PEBP4: variants seen among roughly 807,000 people sequenced by gnomAD.
PEBP4 encodes the protein phosphatidylethanolamine binding protein 4.
A neutral mutation model predicts 23.9 loss-of-function variants in PEBP4; 22 were observed. That is an observed-to-expected ratio of 0.92 (90% CI 0.66 to 1.31). PEBP4 has a LOEUF of 1.31. Among genes scored for constraint, PEBP4 ranks in the 40% most tolerant of loss-of-function variants. PEBP4 has a pLI of 0.00. For missense variants in PEBP4, 324 were observed against 281.7 expected (o/e 1.15, Z -1.07); for synonymous variants, 112 against 99.3 (o/e 1.13, Z -0.76).
chr8:22,810,980 C>T (rs1806615338), intron 4 of PEBP4, among the ~76,000 whole-genome samples: 1 of 151,958 alleles, frequency 6.6e-6, no homozygotes, highest in Admixed American at 6.6e-5. Context: ...TCTATACACG[C>T]TTGCCATAAA....
intron 3 of PEBP4, chr8:22,879,163 T>C (rs1433987238): frequency 6.6e-6 from 1 of 152,208 alleles, no homozygotes; most frequent in Non-Finnish European, 1.5e-5. Context: ...AGACCAGACA[T>C]GGAGGTTTAA....
intron 2 of PEBP4, chr8:22,924,559 C>T: frequency 3.1e-6 from 2 of 653,770 alleles, no homozygotes; most frequent in South Asian, 1.4e-4. Context: ...CGCACTACAA[C>T]AGGTAGGGTT....
chr8:22,783,303 G>T (rs1480747002), intron 4 of PEBP4, among the ~76,000 whole-genome samples: 1 of 152,244 alleles, frequency 6.6e-6, no homozygotes, highest in Non-Finnish European at 1.5e-5. Flanking sequence ...GGAAGGATGG[G>T]CATGGCTGTC....
intron 6 of PEBP4, among the ~76,000 whole-genome samples, chr8:22,723,027 C>T (rs966529935): frequency 6.6e-6 from 1 of 151,452 alleles, no homozygotes; most frequent in Non-Finnish European, 1.5e-5. Context: ...GTGATCCGCC[C>T]ACCTCAGTCT....
chr8:22,863,057 C>A (rs1807815304), intron 3 of PEBP4, among the ~76,000 whole-genome samples: 1 of 152,116 alleles, frequency 6.6e-6, no homozygotes, highest in South Asian at 2.1e-4. Context: ...GCCTCGGCCT[C>A]CCAAAGTGCT....
At chr8:22,785,026 C>G (rs911014207) in intron 4 of PEBP4, among the ~76,000 whole-genome samples, 1 of 152,146 alleles carries the variant, frequency 6.6e-6, no homozygotes, top group Admixed American at 6.5e-5. Context: ...TGAGCTGTGT[C>G]CAGGCCTGCT....
intron 3 of PEBP4, among the ~76,000 whole-genome samples, chr8:22,911,531 A>G (rs530626861): frequency 6.6e-6 from 1 of 152,292 alleles, no homozygotes; most frequent in African/African-American, 2.4e-5. Flanking sequence ...AACACATGAT[A>G]CTGCTCTTCT....
chr8:22,863,149 G>A (rs1807817302), intron 3 of PEBP4, among the ~76,000 whole-genome samples: 1 of 152,154 alleles, frequency 6.6e-6, no homozygotes, highest in Non-Finnish European at 1.5e-5. Flanking sequence ...GCTGTTGGCA[G>A]TGAAAGGCGG....
At chr8:22,815,510 T>C (rs904864738) in intron 4 of PEBP4, among the ~76,000 whole-genome samples, 1 of 152,228 alleles carries the variant, frequency 6.6e-6, no homozygotes, top group Non-Finnish European at 1.5e-5. Flanking sequence ...GAGACCTAAA[T>C]GAATTTGGTT....
chr8:22,869,302 G>C (rs941002782), intron 3 of PEBP4, among the ~76,000 whole-genome samples: 2 of 152,186 alleles, frequency 1.3e-5, no homozygotes, highest in South Asian at 4.1e-4. Context: ...TGGTATACTT[G>C]TGTATGTTTT....
At chr8:22,851,549 C>T (rs954401050) in intron 3 of PEBP4, among the ~76,000 whole-genome samples, 2 of 152,136 alleles carry the variant, frequency 1.3e-5, no homozygotes, top group Non-Finnish European at 2.9e-5. Flanking sequence ...CAAGACCACA[C>T]AGGAAAAGCA....
chr8:22,783,404 C>T (rs1161027681), intron 4 of PEBP4, among the ~76,000 whole-genome samples: 7 of 152,218 alleles, frequency 4.6e-5, no homozygotes, highest in Non-Finnish European at 1.0e-4. Flanking sequence ...GCTCGACTTC[C>T]TCACTGGATG....
chr8:22,818,212 C>T (rs1251329451), intron 3 of PEBP4, among the ~76,000 whole-genome samples: 1 of 152,230 alleles, frequency 6.6e-6, no homozygotes, highest in Non-Finnish European at 1.5e-5. Context: ...TGCTGAACAC[C>T]TACTGTGTGC....
intron 3 of PEBP4, among the ~76,000 whole-genome samples, chr8:22,845,359 C>T (rs182315891): frequency 9.6e-5 from 12 of 125,270 alleles, no homozygotes; most frequent in Middle Eastern, 3.8e-3. Context: ...CATACCAGGA[C>T]GCATCTCTAC....
At chr8:22,722,114 T>C (rs965525) in intron 6 of PEBP4, among the ~76,000 whole-genome samples, 55,548 of 151,612 alleles carry the variant, frequency 0.37, 10,938 homozygotes, top group African/African-American at 0.51. Flanking sequence ...AGAGTCAACC[T>C]GCAAAAGCCA....
At chr8:22,940,797 G>A (rs992901111) in intron 1 of PEBP4, among the ~76,000 whole-genome samples, 1 of 152,114 alleles carries the variant, frequency 6.6e-6, no homozygotes, top group Non-Finnish European at 1.5e-5. Context: ...CCTTTACCAC[G>A]AATTTCTAAT....
chr8:22,929,179 CTAAG>C (rs1809414591), upstream of PEBP4, among the ~76,000 whole-genome samples: 1 of 152,220 alleles, frequency 6.6e-6, no homozygotes, highest in African/African-American at 2.4e-5. Flanking sequence ...TATGAATAGT[CTAAG>C]TATTCTCTCA....
chr8:22,724,403 G>A (rs770323803), intron 6 of PEBP4, among the ~76,000 whole-genome samples: 6 of 152,224 alleles, frequency 3.9e-5, no homozygotes, highest in Admixed American at 2.6e-4. Context: ...TGGCACAGCC[G>A]ACCCAGTAAT....
intron 3 of PEBP4, 62 bp from the exon 4 acceptor site, chr8:22,817,797 G>T: frequency 6.8e-7 from 1 of 1,463,838 alleles, no homozygotes. Context: ...ATACCACGGG[G>T]CAGACCTCCT....
Sources: gnomAD v4.1 joint callset for allele counts (sites outside exome capture counted in the v4.1 genomes callset) on GRCh38, gnomAD v4.1.1 for gene constraint, MANE v1.5 for transcripts, NCBI Gene and HGNC (gene_info 2026-07-23, HGNC 2026-07-21) for gene names.